Variants in KCNMB2 observed in about 807,000 individuals in gnomAD.
The protein encoded by KCNMB2 is potassium calcium-activated channel subfamily M regulatory beta subunit 2, also known as calcium-activated potassium channel subunit beta-2.
A neutral mutation model predicts 24.5 loss-of-function variants in KCNMB2; 9 were observed. The observed-to-expected ratio is 0.37, with a 90% CI of 0.22 to 0.64. KCNMB2 has a LOEUF of 0.64. KCNMB2 is among the 30% of genes least tolerant of loss of function. The pLI, the probability that KCNMB2 is intolerant of heterozygous loss-of-function variation, is 0.63. For synonymous variants in KCNMB2, 109 were observed against 104.4 expected (o/e 1.04, Z -0.27); for missense variants, 226 against 284.3 (o/e 0.79, Z 1.47).
intron 1 of KCNMB2, among the ~76,000 whole-genome samples, chr3:178,776,887 C>G (rs1349759127): frequency 6.6e-6 from 1 of 152,070 alleles, no homozygotes; most frequent in African/African-American, 2.4e-5. Context: ...CGGTTTTGAG[C>G]AAGTTATGAA....
chr3:178,608,754 T>C (rs906400775), intron 1 of KCNMB2, among the ~76,000 whole-genome samples: 1 of 152,126 alleles, frequency 6.6e-6, no homozygotes, highest in Non-Finnish European at 1.5e-5. Context: ...ATCCCACAAA[T>C]AAGTGAGAAT....
intron 1 of KCNMB2, among the ~76,000 whole-genome samples, chr3:178,702,816 A>C (rs1722148798): frequency 6.6e-6 from 1 of 152,196 alleles, no homozygotes; most frequent in Non-Finnish European, 1.5e-5. Flanking sequence ...ATTCTTCCTT[A>C]CTAAAAGCAT....
intron 1 of KCNMB2, among the ~76,000 whole-genome samples, chr3:178,554,237 A>G (rs1322308254): frequency 6.6e-6 from 1 of 152,220 alleles, no homozygotes; most frequent in African/African-American, 2.4e-5. Context: ...TATATACTTT[A>G]TCCCCATCGC....
rs78226755 is a variant in KCNMB2, at chr3:178,637,993, T to A, written c.-68+101282T>A. Among the ~76,000 whole-genome samples the A allele has an allele frequency of 7.7e-3, 1,168 of 152,296 alleles. 15 individuals are homozygous for A. Among genetic ancestry groups the A allele is most frequent in the African/African-American group, 0.027 (1,130 of 41,562 alleles). On this transcript the variant is annotated intron_variant, in intron 1 of 4. Transcript: ENST00000452583. ...CTTTCAGATTTACTAAACTCCTTTC[T>A]GTTCCTGGACACTCATCTAAACAGG... is the stretch of plus-strand genomic sequence containing the variant.
At chr3:178,836,609 A>G (rs1369633218) in intron 4 of KCNMB2, among the ~76,000 whole-genome samples, 1 of 152,198 alleles carries the variant, frequency 6.6e-6, no homozygotes, top group Non-Finnish European at 1.5e-5. Flanking sequence ...TGGCTGCTTC[A>G]GAGGTTTGAT....
chr3:178,553,152 A>G (rs1716012610), intron 1 of KCNMB2, among the ~76,000 whole-genome samples: 2 of 152,230 alleles, frequency 1.3e-5, no homozygotes, highest in Non-Finnish European at 2.9e-5. Flanking sequence ...TTCACCTGAA[A>G]CTTGAACTTC....
At chr3:178,681,645 G>C (rs6768608) in intron 1 of KCNMB2, among the ~76,000 whole-genome samples, 58,385 of 152,050 alleles carry the variant, frequency 0.38, 11,242 homozygotes, top group Middle Eastern at 0.51. Context: ...CCTACTGCTA[G>C]TTATCCAAAG....
chr3:178,574,406 G>T (rs1456634594), intron 1 of KCNMB2, among the ~76,000 whole-genome samples: 1 of 152,202 alleles, frequency 6.6e-6, no homozygotes, highest in East Asian at 1.9e-4. Flanking sequence ...TGCCTTTTAA[G>T]TATTTCTTCA....
chr3:178,771,911 GAGATCCCTTACCTCCTTACCTCATGACC>G lies in KCNMB2; in HGVS notation c.-67-35407_-67-35380del, dbSNP rs1278698368. On this transcript the variant is annotated intron_variant, in intron 1 of 4. Coordinates refer to ENST00000452583, the MANE Select transcript of KCNMB2 (RefSeq NM_181361.3). The stretch of plus-strand genomic sequence containing the variant: ...ATTTCTTACCTCCTTACTTCATGGA[GAGATCCCTTACCTCCTTACCTCATGACC>G]AGATCCCTTACCTCCTTACCTCATT... 1.1e-4 allele frequency among the ~76,000 whole-genome samples: 16 copies of G among 151,732 alleles called. No individual in the cohort carries two copies. The South Asian group carries it at 3.1e-3, about 30-fold the overall frequency.
At chr3:178,548,155 T>A (rs1242045997) in intron 1 of KCNMB2, among the ~76,000 whole-genome samples, 2 of 152,230 alleles carry the variant, frequency 1.3e-5, no homozygotes, top group African/African-American at 4.8e-5. Context: ...AAGTGGTAGT[T>A]ATTGAATCAC....
chr3:178,734,147 C>G (rs1317350851), intron 1 of KCNMB2, among the ~76,000 whole-genome samples: 2 of 152,038 alleles, frequency 1.3e-5, no homozygotes, highest in Non-Finnish European at 2.9e-5. Context: ...GGAGGGTGCC[C>G]AAGTGTAAGC....
At chr3:178,758,561 G>GATATATATAT (rs754815380) in intron 1 of KCNMB2, among the ~76,000 whole-genome samples, 4 of 16,976 alleles carry the variant, frequency 2.4e-4, no homozygotes, top group African/African-American at 3.3e-4. Context: ...TCCAAGAGGA[G>GATATATATAT]ATATATATAT....
chr3:178,587,699 G>GCCTC (rs1717498874), intron 1 of KCNMB2, among the ~76,000 whole-genome samples: 1 of 150,894 alleles, frequency 6.6e-6, no homozygotes, highest in African/African-American at 2.4e-5. Context: ...GCCCACCTCG[G>GCCTC]CCTCCCAAAG....
At chr3:178,561,313 C>T (rs1365479773) in intron 1 of KCNMB2, among the ~76,000 whole-genome samples, 1 of 152,136 alleles carries the variant, frequency 6.6e-6, no homozygotes, top group Non-Finnish European at 1.5e-5. Context: ...TTAGAGATTA[C>T]TGTAAGTAGC....
chr3:178,700,014 G>A (rs61796864), intron 1 of KCNMB2, among the ~76,000 whole-genome samples: 9,486 of 152,258 alleles, frequency 0.062, 294 homozygotes, highest in Non-Finnish European at 0.073. Flanking sequence ...ATGCAAGGTC[G>A]GTGCCTTTCC....
At chr3:178,602,354 T>C (rs1718114210) in intron 1 of KCNMB2, among the ~76,000 whole-genome samples, 1 of 152,142 alleles carries the variant, frequency 6.6e-6, no homozygotes, top group Admixed American at 6.6e-5. Context: ...ACTATATGCC[T>C]GAATAATTCT....
At chr3:178,752,491 T>C (rs752394344) in intron 1 of KCNMB2, among the ~76,000 whole-genome samples, 2 of 152,162 alleles carry the variant, frequency 1.3e-5, no homozygotes, top group Non-Finnish European at 2.9e-5. Flanking sequence ...GGGACCACAT[T>C]GTGGAGTGAG....
chr3:178,761,896 G>A (rs76845585), intron 1 of KCNMB2, among the ~76,000 whole-genome samples: 3,384 of 152,306 alleles, frequency 0.022, 131 homozygotes, highest in African/African-American at 0.077. Flanking sequence ...AGTAGGCTGG[G>A]CATGGTGGTT....
intron 1 of KCNMB2, among the ~76,000 whole-genome samples, chr3:178,614,781 T>G (rs1389239370): frequency 2.0e-5 from 3 of 152,216 alleles, no homozygotes; most frequent in Admixed American, 6.5e-5. Context: ...TGGTGACTTA[T>G]TTAGTTCATT....
Sources: gnomAD v4.1 joint callset for allele counts (sites outside exome capture counted in the v4.1 genomes callset) on GRCh38, gnomAD v4.1.1 for gene constraint, MANE v1.5 for transcripts, NCBI Gene and HGNC (gene_info 2026-07-23, HGNC 2026-07-21) for gene names.